The following CD5 variants were observed in gnomAD, a reference collection of about 807,000 sequenced individuals.
CD5 encodes T-cell surface glycoprotein CD5.
CD5 carries 36 observed loss-of-function variants against 60.3 expected under a neutral mutation model. That is an observed-to-expected ratio of 0.60 (90% CI 0.46 to 0.79). CD5 has a LOEUF of 0.79. Ranked by LOEUF, CD5 falls within the 30% of genes least tolerant of loss-of-function variation. CD5 has a pLI of 0.00. For synonymous variants in CD5, 230 were observed against 257.6 expected (o/e 0.89, Z 1.03); for missense variants, 540 against 630.6 (o/e 0.86, Z 1.54).
At chr11:61,109,405 C>T (rs1316751099) in intron 1 of CD5, among the ~76,000 whole-genome samples, 1 of 152,182 alleles carries the variant, frequency 6.6e-6, no homozygotes, top group African/African-American at 2.4e-5. Flanking sequence ...CAAGGGCCAC[C>T]GCCACTGCCT....
At position 61,103,994 on chromosome 11, in the gene CD5, C is replaced by T. The variant is rs1283768630; in HGVS notation, c.55+1379C>T. Among the ~76,000 whole-genome samples the T allele has an allele frequency of 2.1e-4, 19 of 88,664 alleles. 1 individual carries two copies. The highest frequency in any genetic ancestry group is 8.6e-4 in the African/African-American group (19 of 22,080). The allele number at this position is 88,664 out of a possible 152,430, so 58.2% of individuals were successfully genotyped here. A position where few individuals can be genotyped will look rare whatever the true frequency, so the allele number is the denominator to read the frequency against. ...GTGGGGGGGAAAGTGTGAGTCTGTG[C>T]GTGTGAGTCTGTGTGTGAGTCTGTG... On this transcript the variant is annotated intron_variant, in intron 1 of 10. Transcript: ENST00000347785.
chr11:61,121,485 G>C (rs1335844400), intron 5 of CD5, 126 bp from the exon 6 acceptor site: 1 of 687,358 alleles, frequency 1.5e-6, no homozygotes, highest in African/African-American at 1.8e-5. Context: ...TGCCTCTCCT[G>C]GTGGTCCCAC....
At chr11:61,108,282 C>A (rs962352731) in intron 1 of CD5, among the ~76,000 whole-genome samples, 3 of 152,318 alleles carry the variant, frequency 2.0e-5, no homozygotes, top group African/African-American at 7.2e-5. Flanking sequence ...AGAGAAATAA[C>A]AATTCAAACA....
the CD5 span, among the ~76,000 whole-genome samples, chr11:61,095,063 G>C: frequency 6.6e-6 from 1 of 152,092 alleles, no homozygotes; most frequent in Non-Finnish European, 1.5e-5. Context: ...GATCCCACCC[G>C]CCGAGGGAAG....
intron 2 of CD5, 81 bp downstream of exon 2, chr11:61,115,175 C>T (rs1436136573): frequency 5.3e-6 from 7 of 1,312,676 alleles, no homozygotes; most frequent in Admixed American, 2.0e-5. Flanking sequence ...GGGGACCTCT[C>T]GATGAAGCCA....
rs555481723 is a variant in CD5 at position 61,110,577 on chromosome 11, A to G, written c.56-4479A>G. Reference sequence around the variant, plus strand: ...GCACACCAGGGTGGTGCAGGAATCAATGAAACCTGGGGCAGGCCATCATGG... The same window carrying G: ...GCACACCAGGGTGGTGCAGGAATCAGTGAAACCTGGGGCAGGCCATCATGG... On this transcript the variant is annotated intron_variant, in intron 1 of 10. Coordinates refer to ENST00000347785, the MANE Select transcript of CD5 (RefSeq NM_014207.4). Among the ~76,000 whole-genome samples, 9 of 152,370 alleles carry G rather than the reference A, an allele frequency of 5.9e-5. 1 individual carries two copies. In the South Asian group the frequency reaches 1.4e-3, roughly 25 times the overall value.
chr11:61,106,571 C>G (rs901010614), intron 1 of CD5, among the ~76,000 whole-genome samples: 1 of 152,208 alleles, frequency 6.6e-6, no homozygotes, highest in Non-Finnish European at 1.5e-5. Flanking sequence ...CTGGGTCACT[C>G]TGTCACCATC....
chr11:61,094,336 C>A, the CD5 span, among the ~76,000 whole-genome samples: 4 of 152,144 alleles, frequency 2.6e-5, no homozygotes, highest in Non-Finnish European at 4.4e-5. Context: ...GTCCTTGGAA[C>A]TTGCCCACTC....
chr11:61,102,467 C>G (rs1016804165), upstream of CD5: 1 of 847,794 alleles, frequency 1.2e-6, no homozygotes, highest in Non-Finnish European at 1.9e-6. Context: ...CACGCCACCC[C>G]GCCCTCTCCC....
At chr11:61,119,636 C>G in intron 5 of CD5, 61 bp downstream of exon 5, 1 of 1,233,020 alleles carries the variant, frequency 8.1e-7, no homozygotes, top group Non-Finnish European at 1.1e-6. Context: ...GGTCACAGAG[C>G]ATCCCAGAAG....
At chr11:61,117,560 C>T (rs1182033884) in intron 2 of CD5, among the ~76,000 whole-genome samples, 1 of 152,034 alleles carries the variant, frequency 6.6e-6, no homozygotes, top group Non-Finnish European at 1.5e-5. Flanking sequence ...GCGATCTTGG[C>T]TCACTGCAAC....
chr11:61,095,452 C>G, the CD5 span, among the ~76,000 whole-genome samples: 1 of 152,202 alleles, frequency 6.6e-6, no homozygotes. Context: ...AAGCCTCAAG[C>G]TTTAATTGAC....
chr11:61,123,955 C>T lies in CD5; in HGVS notation c.1279+18C>T. The T allele has an allele frequency of 6.2e-7, 1 of 1,604,722 alleles. No homozygotes were observed. The highest frequency in any genetic ancestry group is 8.5e-7 in the Non-Finnish European group (1 of 1,171,982). ...CCAAAACAGTAAGTGTCCCCGGAGG[C>T]AGGAGCCTCCCTCAGGCCCTGGACA... On this transcript the variant is annotated intron_variant, in intron 8 of 10. Transcript: ENST00000347785.
chr11:61,097,338 G>A, the CD5 span, among the ~76,000 whole-genome samples: 1 of 152,050 alleles, frequency 6.6e-6, no homozygotes, highest in Non-Finnish European at 1.5e-5. Flanking sequence ...CTCAATTATT[G>A]GACAATATTG....
the CD5 span, among the ~76,000 whole-genome samples, chr11:61,095,099 C>T: frequency 1.3e-5 from 2 of 152,250 alleles, no homozygotes; most frequent in African/African-American, 4.8e-5. Context: ...CTGTCCAACC[C>T]AACACCAGAA....
rs202043671 is a variant in CD5, at chr11:61,110,221, T to TA, written c.56-4825dup. ...TATAAGTGAAAAACAAACAAGCAAA[T>TA]AAAAAAAAAACCTGAACATATTCAT... On this transcript the variant is annotated intron_variant, in intron 1 of 10. Coordinates refer to ENST00000347785, the MANE Select transcript of CD5 (RefSeq NM_014207.4). Among the ~76,000 whole-genome samples, 237 of 145,722 alleles carry TA rather than the reference T, an allele frequency of 1.6e-3. 1 individual carries two copies. Among genetic ancestry groups the TA allele is most frequent in the East Asian group, 0.012 (59 of 5,004 alleles).
Position 61,118,802 on chromosome 11 carries a change from T to A in CD5, c.401-113T>A. ...AGACAACGTGTGGGTCAAGTGGACCTGGTGTGCCAAGCGGCACTCATGCCA... is the reference window on the plus strand; with the variant it reads ...AGACAACGTGTGGGTCAAGTGGACCAGGTGTGCCAAGCGGCACTCATGCCA... On this transcript the variant is annotated intron_variant, in intron 3 of 10. Coordinates refer to ENST00000347785, the MANE Select transcript of CD5 (RefSeq NM_014207.4). This position sits in a 1 kb window ranked among gnomAD's most constrained non-coding sequence, Gnocchi z 4.7. The A allele has an allele frequency of 1.4e-6, 1 of 719,274 alleles. No individual in the cohort carries two copies. The allele number at this position is 719,274 out of a possible 1,614,324, so 44.6% of individuals were successfully genotyped here. A position where few individuals can be genotyped will look rare whatever the true frequency, so the allele number is the denominator to read the frequency against.
At chr11:61,101,239 C>T (rs1214261361), upstream of CD5, among the ~76,000 whole-genome samples, 1 of 103,072 alleles carries the variant, frequency 9.7e-6, no homozygotes. Context: ...ATGGAGATCA[C>T]ATTCACACAC....
chr11:61,118,604 A>G lies in CD5; in HGVS notation c.400+124A>G. 1 of 945,826 alleles carries G rather than the reference A, an allele frequency of 1.1e-6. No homozygotes were observed. The highest frequency in any genetic ancestry group is 1.6e-6 in the Non-Finnish European group (1 of 631,394). 58.6% of individuals were successfully genotyped at this position (945,826 alleles called of 1,614,324 possible). A position where few individuals can be genotyped will look rare whatever the true frequency, so the allele number is the denominator to read the frequency against. ...AAGGGGTGGGGGGACCCCAGTTTAT[A>G]ACCACTCCCCAAGACACATACCCAG... On this transcript the variant is annotated intron_variant, in intron 3 of 10. Transcript: ENST00000347785. The surrounding 1 kb of genome is among the most constrained non-coding windows in gnomAD (Gnocchi z 4.7).
Sources: allele counts gnomAD v4.1 joint callset (sites outside exome capture counted in the v4.1 genomes callset), GRCh38; gene constraint gnomAD v4.1.1; non-coding constraint Gnocchi (gnomAD v3.1); transcripts MANE v1.5; gene names NCBI Gene and HGNC (gene_info 2026-07-23, HGNC 2026-07-21).